The following FGF18 variants were observed in gnomAD, a reference collection of about 807,000 sequenced individuals.
FGF18 encodes the protein fibroblast growth factor 18.
In FGF18, 5 loss-of-function variants were observed where a neutral mutation model predicts 23.0. The observed-to-expected ratio is 0.22, with a 90% confidence interval of 0.11 to 0.46. The LOEUF (loss-of-function observed/expected upper bound fraction) is 0.46, where lower values mean the gene tolerates loss of function less well. FGF18 is among the 20% of genes least tolerant of loss of function. The probability of loss-of-function intolerance (pLI) is 0.99; values close to 1 mark genes in which losing one functional copy is unlikely to be tolerated. For missense variants in FGF18, 180 were observed against 291.6 expected, an observed-to-expected ratio of 0.62 and a Z score of 2.79; for synonymous variants, 117 against 118.9, an observed-to-expected ratio of 0.98 and a Z score of 0.10.
Position 171,434,446 on chromosome 5 carries a change from A to G in FGF18, c.70-1647A>G, listed in dbSNP as rs78094393. Among the ~76,000 whole-genome samples the G allele has an allele frequency of 6.8e-4, 104 of 152,306 alleles. 2 individuals are homozygous for G. Among genetic ancestry groups the G allele is most frequent in the East Asian group, 4.6e-3 (24 of 5,182 alleles). ...CTTGGGAGCTCACAGCTGAGAGGTG[A>G]GACAGATGTTTGGGCAGCCAGGGTC... On this transcript the variant is annotated intron_variant, in intron 2 of 4. Transcript: ENST00000274625. The surrounding 1 kb of genome is among the most constrained non-coding windows in gnomAD (Gnocchi z 4.6).
chr5:171,423,654 C>T lies in FGF18; in HGVS notation c.69+3211C>T, dbSNP rs374647778. Among the ~76,000 whole-genome samples the T allele has an allele frequency of 9.2e-5, 14 of 152,326 alleles. 1 individual carries two copies. In the South Asian group the frequency reaches 2.9e-3, roughly 32 times the overall value. ...ACGCCCCCTCTCGGCCTGACCACCC[C>T]CACACCCAGCCTCCTCAGTGAGGTT... On this transcript the variant is annotated intron_variant, in intron 2 of 4. Transcript: ENST00000274625.
Position 171,449,158 on chromosome 5 carries a change from G to A in FGF18, c.262G>A (p.Val88Met). The A allele has an allele frequency of 6.2e-7, 1 of 1,613,728 alleles. No homozygotes were observed. Among genetic ancestry groups the A allele is most frequent in the Non-Finnish European group, 8.5e-7 (1 of 1,179,646 alleles). ...TCTGCCTTTCGAAGCCCAGCTCCTA[G>A]TGGAGACAGACACCTTCGGTAGTCA... Reference protein sequence around the residue: ...EDGDKYAQLLVETDTFGSQVR... With the variant: ...EDGDKYAQLLMETDTFGSQVR... Residue 88 changes from valine (V) to methionine (M), a missense_variant, in exon 4 of 5, where the codon GTG becomes ATG. Coordinates refer to ENST00000274625, the MANE Select transcript of FGF18 (RefSeq NM_003862.3).
chr5:171,429,701 G>A (rs1411284354), intron 2 of FGF18, among the ~76,000 whole-genome samples: 1 of 152,252 alleles, frequency 6.6e-6, no homozygotes, highest in Admixed American at 6.5e-5. Context: ...CAGGTTGCCT[G>A]GAGACAGGAG....
At chr5:171,448,459 G>A (rs1391690292) in intron 3 of FGF18, among the ~76,000 whole-genome samples, 1 of 152,228 alleles carries the variant, frequency 6.6e-6, no homozygotes, top group Admixed American at 6.5e-5. Context: ...CCTGCAGGAA[G>A]GGGCCACAGA....
At chr5:171,443,216 G>T (rs1231950907) in intron 3 of FGF18, among the ~76,000 whole-genome samples, 1 of 151,424 alleles carries the variant, frequency 6.6e-6, no homozygotes, top group African/African-American at 2.4e-5. Context: ...TGCAACCTCT[G>T]CCTCCAAGGT....
chr5:171,432,554 A>G (rs1166807031), intron 2 of FGF18, among the ~76,000 whole-genome samples: 1 of 152,028 alleles, frequency 6.6e-6, no homozygotes, highest in Non-Finnish European at 1.5e-5. Flanking sequence ...GATTACAGGC[A>G]TGCACCACCA....
At chr5:171,429,665 G>A (rs1772148332) in intron 2 of FGF18, among the ~76,000 whole-genome samples, 1 of 152,250 alleles carries the variant, frequency 6.6e-6, no homozygotes, top group Non-Finnish European at 1.5e-5. Context: ...CCCCTCCTGG[G>A]ACCAGGGAGA....
intron 2 of FGF18, among the ~76,000 whole-genome samples, chr5:171,428,530 C>T (rs918990209): frequency 8.5e-5 from 13 of 152,186 alleles, no homozygotes; most frequent in African/African-American, 2.7e-4. Context: ...TGAGCCTCTG[C>T]GTGCGTGCAT....
intron 4 of FGF18, among the ~76,000 whole-genome samples, chr5:171,453,758 G>A (rs1369879075): frequency 6.6e-6 from 1 of 152,152 alleles, no homozygotes; most frequent in African/African-American, 2.4e-5. Flanking sequence ...GAGACCAAGT[G>A]TGCGAGACAA....
chr5:171,441,302 G>A (rs1772340473), intron 3 of FGF18, among the ~76,000 whole-genome samples: 1 of 152,196 alleles, frequency 6.6e-6, no homozygotes, highest in East Asian at 1.9e-4. Flanking sequence ...GCTCAGAGGT[G>A]CTCATCTCAC....
intron 2 of FGF18, among the ~76,000 whole-genome samples, chr5:171,425,489 G>T (rs1002492592): frequency 2.7e-5 from 4 of 150,188 alleles, no homozygotes; most frequent in African/African-American, 9.8e-5. Flanking sequence ...CCAAAGTGCT[G>T]GGATTACTGG....
At chr5:171,423,962 A>G (rs1772057306) in intron 2 of FGF18, among the ~76,000 whole-genome samples, 1 of 151,932 alleles carries the variant, frequency 6.6e-6, no homozygotes, top group East Asian at 1.9e-4. Flanking sequence ...ACAGGGTTTC[A>G]CCATGTTGGC....
At chr5:171,431,736 C>G (rs1344535808) in intron 2 of FGF18, among the ~76,000 whole-genome samples, 3 of 152,182 alleles carry the variant, frequency 2.0e-5, no homozygotes, top group Non-Finnish European at 4.4e-5. Flanking sequence ...AGAAGACTTC[C>G]TTTATGCACC....
Position 171,436,023 on chromosome 5 carries a change from G to A in FGF18, c.70-70G>A, listed in dbSNP as rs1041619922. On this transcript the variant is annotated intron_variant, in intron 2 of 4. Transcript: ENST00000274625. The surrounding 1 kb of genome is among the most constrained non-coding windows in gnomAD (Gnocchi z 4.4). ...GAAGCCCTTGGTCTTTGTGGTGGACGTGGCTGGCTCCTGCATGCAGTGGGC... is the reference window on the plus strand; with the variant it reads ...GAAGCCCTTGGTCTTTGTGGTGGACATGGCTGGCTCCTGCATGCAGTGGGC... The A allele has an allele frequency of 2.6e-5, 34 of 1,293,632 alleles. No individual in the cohort carries two copies. Among genetic ancestry groups the A allele is most frequent in the Middle Eastern group, 2.5e-4 (1 of 3,976 alleles). The allele number at this position is 1,293,632 out of a possible 1,614,324, so 80.1% of individuals were successfully genotyped here.
Position 171,453,232 on chromosome 5 carries a change from G to A in FGF18, c.358-3307G>A, listed in dbSNP as rs985473606. 3.3e-5 allele frequency among the ~76,000 whole-genome samples: 5 copies of A among 152,170 alleles called. No homozygotes were observed. The South Asian group carries it at 6.2e-4, about 19-fold the overall frequency. On this transcript the variant is annotated intron_variant, in intron 4 of 4. Transcript: ENST00000274625. ...AGGAGCAGAGGCAAGCGTCAAGCCC[G>A]GATGTAGCCTGCTGTTAGCTTCTTA... is the stretch of plus-strand genomic sequence containing the variant.
At chr5:171,421,531 T>A (rs1004897974) in intron 2 of FGF18, among the ~76,000 whole-genome samples, 1 of 152,102 alleles carries the variant, frequency 6.6e-6, no homozygotes, top group African/African-American at 2.4e-5. Context: ...ATTGTGGAGA[T>A]CCCCAGAGCT....
Position 171,440,289 on chromosome 5 carries a change from CT to C in FGF18, c.250+4018del, listed in dbSNP as rs1772323311. Among the ~76,000 whole-genome samples, 1 of 152,048 alleles carries C rather than the reference CT, an allele frequency of 6.6e-6. No homozygotes were observed. Among genetic ancestry groups the C allele is most frequent in the African/African-American group, 2.4e-5 (1 of 41,392 alleles). ...TGCCATCAGGTACTGGCTCCAGAGG[CT>C]TCCAGAAAGGACCTGAGGGAAGAAG... On this transcript the variant is annotated intron_variant, in intron 3 of 4. Coordinates refer to ENST00000274625, the MANE Select transcript of FGF18 (RefSeq NM_003862.3). This position sits in a 1 kb window ranked among gnomAD's most constrained non-coding sequence, Gnocchi z 4.0.
Position 171,457,118 on chromosome 5 carries a change from T to G in FGF18, c.*313T>G, listed in dbSNP as rs1772596574. On this transcript the variant is annotated 3_prime_UTR_variant, in exon 5 of 5. Transcript: ENST00000274625. ...AGGACTTGAATGAGGAAACCAACACTTTGAGAAACCAAAGTCCTTTTTCCC... is the reference window on the plus strand; with the variant it reads ...AGGACTTGAATGAGGAAACCAACACGTTGAGAAACCAAAGTCCTTTTTCCC... The G allele has an allele frequency of 1.6e-5, 4 of 246,692 alleles. No individual in the cohort carries two copies. The allele number at this position is 246,692 out of a possible 1,614,324, so 15.3% of individuals were successfully genotyped here.
In FGF18 at chr5:171,434,809, CTT is replaced by C. The variant is rs35377470; in HGVS notation, c.70-1269_70-1268del. Among the ~76,000 whole-genome samples, 73 of 141,642 alleles carry C rather than the reference CTT, an allele frequency of 5.2e-4. No homozygotes were observed. Among genetic ancestry groups the C allele is most frequent in the Admixed American group, 7.8e-4 (11 of 14,184 alleles). The allele number at this position is 141,642 out of a possible 152,430, so 92.9% of individuals were successfully genotyped here. A position where few individuals can be genotyped will look rare whatever the true frequency, so the allele number is the denominator to read the frequency against. ...GAGACACTGCTCCAGCTTTCTCTCC[CTT>C]TTTTTTTTTTTTTTGATGGTGCTGC... On this transcript the variant is annotated intron_variant, in intron 2 of 4. Transcript: ENST00000274625. This position sits in a 1 kb window ranked among gnomAD's most constrained non-coding sequence, Gnocchi z 4.6.
Sources: gnomAD v4.1 joint callset for allele counts (sites outside exome capture counted in the v4.1 genomes callset) on GRCh38, gnomAD v4.1.1 for gene constraint, Gnocchi (gnomAD v3.1) non-coding constraint, MANE v1.5 for transcripts, NCBI Gene and HGNC (gene_info 2026-07-23, HGNC 2026-07-21) for gene names.